The following SNX24 variants were observed in gnomAD, a reference collection of about 807,000 sequenced individuals.
SNX24 encodes the protein sorting nexin 24.
SNX24 carries 22 observed loss-of-function variants against 28.7 expected under a neutral mutation model. The ratio of observed to expected loss-of-function variants is 0.77; its 90% CI spans 0.55 to 1.10. SNX24 has a LOEUF of 1.10. Ranked by LOEUF, SNX24 falls within the 50% of genes least tolerant of loss-of-function variation. The pLI is 0.00. For missense variants in SNX24, 221 were observed against 201.1 expected, an observed-to-expected ratio of 1.10 and a Z score of -0.60; for synonymous variants, 69 against 71.5, an observed-to-expected ratio of 0.96 and a Z score of 0.18.
chr5:123,023,143 A>G (rs1411634066), intron 5 of SNX24: 2 of 152,232 alleles, frequency 1.3e-5, no homozygotes, highest in Admixed American at 1.3e-4. Context: ...GTAACAAAAA[A>G]TATTCCTATT....
intron 5 of SNX24, among the ~76,000 whole-genome samples, chr5:123,015,011 C>T: frequency 6.6e-6 from 1 of 152,168 alleles, no homozygotes; most frequent in East Asian, 1.9e-4. Flanking sequence ...CACCCTAGGC[C>T]CCACTCCATA....
intron 3 of SNX24, among the ~76,000 whole-genome samples, chr5:122,952,498 C>T (rs1195591400): frequency 6.6e-6 from 1 of 152,174 alleles, no homozygotes; most frequent in Non-Finnish European, 1.5e-5. Flanking sequence ...GGTTTGCACT[C>T]AGGCAAGGGG....
At chr5:122,935,384 A>C (rs1759138331) in intron 1 of SNX24, among the ~76,000 whole-genome samples, 1 of 152,204 alleles carries the variant, frequency 6.6e-6, no homozygotes. Flanking sequence ...TTTCCTAAAA[A>C]AAATCTAAGA....
intron 5 of SNX24, chr5:123,023,881 A>C: frequency 6.2e-7 from 1 of 1,612,458 alleles, no homozygotes; most frequent in Non-Finnish European, 8.5e-7. Flanking sequence ...TGTGTCACCA[A>C]TCAGCGATCT....
chr5:122,929,663 A>G (rs950370497), intron 1 of SNX24, among the ~76,000 whole-genome samples: 1 of 152,150 alleles, frequency 6.6e-6, no homozygotes, highest in African/African-American at 2.4e-5. Context: ...TTGACAGAGA[A>G]AGACAAATGC....
At chr5:122,870,997 C>G (rs1216275689) in intron 1 of SNX24, among the ~76,000 whole-genome samples, 1 of 152,150 alleles carries the variant, frequency 6.6e-6, no homozygotes, top group Non-Finnish European at 1.5e-5. Flanking sequence ...GGCCCACCCT[C>G]AGAGAATCTG....
chr5:122,920,544 G>A (rs1758387500), intron 1 of SNX24, among the ~76,000 whole-genome samples: 1 of 152,236 alleles, frequency 6.6e-6, no homozygotes, highest in East Asian at 1.9e-4. Flanking sequence ...CTATCTTACA[G>A]TGGAGTTGCA....
At chr5:122,896,019 T>G (rs1036304798) in intron 1 of SNX24, among the ~76,000 whole-genome samples, 12 of 151,866 alleles carry the variant, frequency 7.9e-5, no homozygotes, top group Admixed American at 2.6e-4. Flanking sequence ...TGTGGTGGCA[T>G]GCACCTGTGA....
At chr5:122,898,265 T>G (rs1445752967) in intron 1 of SNX24, among the ~76,000 whole-genome samples, 1 of 152,236 alleles carries the variant, frequency 6.6e-6, no homozygotes, top group African/African-American at 2.4e-5. Flanking sequence ...TCAACCCTAT[T>G]TTCCCTGATA....
At chr5:122,854,945 G>T (rs1755114913) in intron 1 of SNX24, among the ~76,000 whole-genome samples, 1 of 152,144 alleles carries the variant, frequency 6.6e-6, no homozygotes, top group Non-Finnish European at 1.5e-5. Flanking sequence ...GTATTTTATT[G>T]CTAAAAACTC....
chr5:122,900,791 T>G (rs901009356), intron 1 of SNX24, among the ~76,000 whole-genome samples: 5 of 151,262 alleles, frequency 3.3e-5, no homozygotes, highest in Admixed American at 2.6e-4. Flanking sequence ...AAAAAAGAAA[T>G]AAAACAACAG....
intron 3 of SNX24, among the ~76,000 whole-genome samples, chr5:122,985,675 G>T (rs1761574228): frequency 6.6e-6 from 1 of 152,168 alleles, no homozygotes; most frequent in South Asian, 2.1e-4. Context: ...ATGTGAACTG[G>T]GCCTCCAGCT....
At chr5:122,854,163 A>T (rs1008127019) in intron 1 of SNX24, among the ~76,000 whole-genome samples, 1 of 152,274 alleles carries the variant, frequency 6.6e-6, no homozygotes, top group East Asian at 1.9e-4. Context: ...TTCTGTATAT[A>T]GAAGCCCTTA....
chr5:123,028,267 G>C (rs1762890343), intron 5 of SNX24, among the ~76,000 whole-genome samples: 1 of 152,166 alleles, frequency 6.6e-6, no homozygotes, highest in African/African-American at 2.4e-5. Context: ...AATCTTAAAA[G>C]TTCTCTTGGA....
chr5:123,006,515 C>T (rs1466350816), intron 6 of SNX24, among the ~76,000 whole-genome samples: 4 of 152,216 alleles, frequency 2.6e-5, no homozygotes, highest in African/African-American at 7.2e-5. Context: ...GTCCATTCTC[C>T]AGCTGGCAGC....
chr5:123,012,680 A>G (rs1762610859), downstream of SNX24, among the ~76,000 whole-genome samples: 1 of 152,204 alleles, frequency 6.6e-6, no homozygotes, highest in African/African-American at 2.4e-5. Context: ...CCACAATAAA[A>G]ACAATAAAGG....
rs182337570 is a variant in SNX24, at chr5:122,861,544, C to T, written c.60+15851C>T. Among the ~76,000 whole-genome samples, 55 of 152,178 alleles carry T rather than the reference C, an allele frequency of 3.6e-4. 1 individual carries two copies. The highest frequency in any genetic ancestry group is 3.2e-3 in the Admixed American group (49 of 15,278). ...TGCTATTTCATTTGATTTGGGAAAACTCTCAGAGGATTTTTTTTTTAACCT... is the reference window on the plus strand; with the variant it reads ...TGCTATTTCATTTGATTTGGGAAAATTCTCAGAGGATTTTTTTTTTAACCT... On this transcript the variant is annotated intron_variant, in intron 1 of 6. Transcript: ENST00000261369.
intron 3 of SNX24, among the ~76,000 whole-genome samples, chr5:122,993,121 A>G (rs548841344): frequency 2.0e-5 from 3 of 152,094 alleles, no homozygotes; most frequent in Non-Finnish European, 4.4e-5. Flanking sequence ...ACCATAGCAG[A>G]TATCCATTTG....
At position 123,008,849 on chromosome 5, in the gene SNX24, A is replaced by G. The variant is rs145466931; in HGVS notation, c.*1100A>G. 14 of 980,326 alleles carry G rather than the reference A, an allele frequency of 1.4e-5. No homozygotes were observed. The Admixed American group carries it at 6.8e-4, about 47-fold the overall frequency. The allele number at this position is 980,326 out of a possible 1,614,324, so 60.7% of individuals were successfully genotyped here. ...TACATCATCCTTTGAGTAGTAAAGGATAAAAGCATATATACTACCTATATG... is the reference window on the plus strand; with the variant it reads ...TACATCATCCTTTGAGTAGTAAAGGGTAAAAGCATATATACTACCTATATG... On this transcript the variant is annotated 3_prime_UTR_variant, in exon 7 of 7. Coordinates refer to ENST00000261369, the MANE Select transcript of SNX24 (RefSeq NM_014035.4).
Sources: allele counts gnomAD v4.1 joint callset (sites outside exome capture counted in the v4.1 genomes callset), GRCh38; gene constraint gnomAD v4.1.1; transcripts MANE v1.5; gene names NCBI Gene and HGNC (gene_info 2026-07-23, HGNC 2026-07-21).